GALNT13: variants seen among roughly 807,000 people sequenced by gnomAD.
GALNT13 encodes polypeptide N-acetylgalactosaminyltransferase 13.
Under a neutral mutation model 64.2 loss-of-function variants are expected in GALNT13, and 28 were observed. The ratio of observed to expected loss-of-function variants is 0.44; its 90% CI spans 0.32 to 0.60. The LOEUF is 0.60. GALNT13 is among the 20% of genes least tolerant of loss of function. GALNT13 has a pLI of 0.05. For synonymous variants in GALNT13, 214 were observed against 224.6 expected, an observed-to-expected ratio of 0.95 and a Z score of 0.42; for missense variants, 577 against 669.8, an observed-to-expected ratio of 0.86 and a Z score of 1.53.
At chr2:153,498,602 C>T in the GALNT13 span, among the ~76,000 whole-genome samples, 1 of 152,314 alleles carries the variant, frequency 6.6e-6, no homozygotes, top group African/African-American at 2.4e-5. Context: ...GCTTCCTCTG[C>T]GGGCACCCAC....
intron 8 of GALNT13, among the ~76,000 whole-genome samples, chr2:154,288,047 TAATTTATA>T (rs2105954008): frequency 6.6e-6 from 1 of 152,192 alleles, no homozygotes; most frequent in African/African-American, 2.4e-5. Context: ...CAAGACTGGG[TAATTTATA>T]AAGGAAAGAG....
At chr2:153,082,634 C>T in the GALNT13 span, among the ~76,000 whole-genome samples, 2,465 of 77,448 alleles carry the variant, frequency 0.032, 57 homozygotes, top group Non-Finnish European at 0.051. Flanking sequence ...CACACACACA[C>T]ACACACACAC....
chr2:153,822,391 G>T, the GALNT13 span, among the ~76,000 whole-genome samples: 8 of 152,196 alleles, frequency 5.3e-5, no homozygotes, highest in South Asian at 1.7e-3. Flanking sequence ...ACACAATAAA[G>T]TAGGCTTTAT....
chr2:154,251,685 T>C (rs1690077236), intron 7 of GALNT13, among the ~76,000 whole-genome samples: 1 of 152,208 alleles, frequency 6.6e-6, no homozygotes, highest in Non-Finnish European at 1.5e-5. Context: ...TGTAATAGTG[T>C]GCGGTATCCA....
At chr2:154,093,455 T>C (rs1701921597) in intron 3 of GALNT13, among the ~76,000 whole-genome samples, 1 of 151,962 alleles carries the variant, frequency 6.6e-6, no homozygotes, top group South Asian at 2.1e-4. Context: ...CACTCTACCT[T>C]CACAAAAATG....
At chr2:153,719,585 C>G in the GALNT13 span, among the ~76,000 whole-genome samples, 27 of 152,194 alleles carry the variant, frequency 1.8e-4, no homozygotes, top group African/African-American at 6.0e-4. Flanking sequence ...AGACAGTGGG[C>G]GCAGGCCAGT....
At chr2:153,334,515 A>C in the GALNT13 span, among the ~76,000 whole-genome samples, 3,033 of 152,294 alleles carry the variant, frequency 0.02, 39 homozygotes, top group Non-Finnish European at 0.029. Flanking sequence ...CTTCTACTGC[A>C]GCATTCACCC....
chr2:153,989,564 C>T (rs1466672356), intron 3 of GALNT13, among the ~76,000 whole-genome samples: 2 of 151,948 alleles, frequency 1.3e-5, no homozygotes, highest in African/African-American at 4.8e-5. Flanking sequence ...ATTTAGATAT[C>T]TGCAAAAATG....
the GALNT13 span, among the ~76,000 whole-genome samples, chr2:153,765,506 T>C: frequency 6.6e-6 from 1 of 152,230 alleles, no homozygotes; most frequent in African/African-American, 2.4e-5. Flanking sequence ...CCCAATTGTA[T>C]CTACGAAGTA....
chr2:154,248,174 C>T (rs373616429), intron 7 of GALNT13, among the ~76,000 whole-genome samples: 31 of 152,146 alleles, frequency 2.0e-4, no homozygotes, highest in African/African-American at 6.7e-4. Context: ...ATTGGCTAGT[C>T]ATCATTTAGA....
At chr2:153,703,917 A>C in the GALNT13 span, among the ~76,000 whole-genome samples, 1 of 152,096 alleles carries the variant, frequency 6.6e-6, no homozygotes, top group Admixed American at 6.6e-5. Context: ...AAAAATATAA[A>C]ATTTGATTAA....
Position 153,995,170 on chromosome 2 carries a change from C to G in GALNT13, c.142+50531C>G, listed in dbSNP as rs192487118. ...AGTTTAGTTATAAACATTTGCATAT[C>G]TATATTAAATACTTTCCGTGTTTTC... On this transcript the variant is annotated intron_variant, in intron 3 of 12. Coordinates refer to ENST00000392825, the MANE Select transcript of GALNT13 (RefSeq NM_052917.4). Among the ~76,000 whole-genome samples, 1,140 of 152,006 alleles carry G rather than the reference C, an allele frequency of 7.5e-3. 7 individuals carry two copies. The highest frequency in any genetic ancestry group is 0.02 in the Middle Eastern group (6 of 294).
rs567141359 is a variant in GALNT13 at position 154,254,138 on chromosome 2, G to A, written c.858-4883G>A. ...AATCAAATTTGAACATATAAGGGGA[G>A]TTTTCAAAGAAAAATCCAGGTGACC... On this transcript the variant is annotated intron_variant, in intron 7 of 12. Transcript: ENST00000392825. Among the ~76,000 whole-genome samples the A allele has an allele frequency of 6.6e-5, 10 of 152,184 alleles. No individual in the cohort carries two copies. In the East Asian group the frequency reaches 1.9e-3, roughly 29 times the overall value.
chr2:153,318,767 A>AATT, the GALNT13 span, among the ~76,000 whole-genome samples: 4 of 152,316 alleles, frequency 2.6e-5, no homozygotes, highest in South Asian at 8.3e-4. Flanking sequence ...TATGACACAG[A>AATT]ATTACTAAGA....
the GALNT13 span, among the ~76,000 whole-genome samples, chr2:153,622,294 A>T: frequency 2.0e-5 from 3 of 152,132 alleles, no homozygotes; most frequent in Admixed American, 2.0e-4. Context: ...CAAAGGTTTT[A>T]TTTACAAAGA....
At chr2:154,326,873 T>C (rs575362929) in intron 9 of GALNT13, among the ~76,000 whole-genome samples, 72 of 152,208 alleles carry the variant, frequency 4.7e-4, no homozygotes, top group African/African-American at 1.7e-3. Flanking sequence ...GTAAGTTAAA[T>C]TTTTCAGGTG....
At chr2:154,258,977 T>C in intron 7 of GALNT13, 44 bp from the exon 8 acceptor site, 2 of 1,026,120 alleles carry the variant, frequency 1.9e-6, no homozygotes, top group South Asian at 1.3e-5. Context: ...CTCCATACAT[T>C]GTTTTCAAAA....
the GALNT13 span, among the ~76,000 whole-genome samples, chr2:153,135,860 A>T: frequency 2.0e-5 from 3 of 152,194 alleles, no homozygotes; most frequent in Admixed American, 6.6e-5. Context: ...AATAATAAAA[A>T]AGAATTAATT....
At chr2:153,093,894 T>C in the GALNT13 span, among the ~76,000 whole-genome samples, 1 of 152,166 alleles carries the variant, frequency 6.6e-6, no homozygotes, top group Non-Finnish European at 1.5e-5. Flanking sequence ...TTCTTCCTGG[T>C]TCAATCTTGC....
Sources: gnomAD v4.1 joint callset for allele counts (sites outside exome capture counted in the v4.1 genomes callset) on GRCh38, gnomAD v4.1.1 for gene constraint, MANE v1.5 for transcripts, NCBI Gene and HGNC (gene_info 2026-07-23, HGNC 2026-07-21) for gene names.